The following RIC1 variants were observed in gnomAD, a reference collection of about 807,000 sequenced individuals.
RIC1 encodes RIC1 partner of RAB6A GEF complex, also known as guanine nucleotide exchange factor subunit RIC1.
A neutral mutation model predicts 169.0 loss-of-function variants in RIC1; 88 were observed. That is an observed-to-expected ratio of 0.52 (90% CI 0.44 to 0.62). The LOEUF is 0.62. Ranked by LOEUF, RIC1 falls within the 20% of genes least tolerant of loss-of-function variation. The probability of loss-of-function intolerance (pLI) is 0.00; values close to 1 mark genes in which losing one functional copy is unlikely to be tolerated. For missense variants in RIC1, 1,877 were observed against 1,725.5 expected, an observed-to-expected ratio of 1.09 and a Z score of -1.56; for synonymous variants, 790 against 601.5, an observed-to-expected ratio of 1.31 and a Z score of -4.59.
At chr9:5,708,532 A>G (rs942883328) in intron 3 of RIC1, among the ~76,000 whole-genome samples, 1 of 152,074 alleles carries the variant, frequency 6.6e-6, no homozygotes, top group African/African-American at 2.4e-5. Context: ...TTTTTGAAGG[A>G]TAATTTTTCT....
chr9:5,725,882 T>C (rs1823944287), intron 6 of RIC1, among the ~76,000 whole-genome samples: 1 of 152,238 alleles, frequency 6.6e-6, no homozygotes, highest in Non-Finnish European at 1.5e-5. Flanking sequence ...GTGAGTTTCT[T>C]AATCCTGAGT....
At chr9:5,743,087 T>C in intron 9 of RIC1, 74 bp downstream of exon 9, 2 of 1,403,204 alleles carry the variant, frequency 1.4e-6, no homozygotes, top group Non-Finnish European at 9.8e-7. Context: ...AAAAACCTTG[T>C]GTCAGAACTT....
At chr9:5,658,662 G>A (rs140006548) in intron 2 of RIC1, among the ~76,000 whole-genome samples, 1 of 152,140 alleles carries the variant, frequency 6.6e-6, no homozygotes, top group African/African-American at 2.4e-5. Context: ...AGCAGCAAAA[G>A]ACTTAGTTGG....
chr9:5,716,437 A>G (rs1330655909), intron 4 of RIC1, among the ~76,000 whole-genome samples: 5 of 151,822 alleles, frequency 3.3e-5, no homozygotes, highest in African/African-American at 1.2e-4. Context: ...ACATAGTGAA[A>G]CCCTGTCTCT....
rs991600233 is a variant in RIC1, at chr9:5,765,751, C to G, written c.3090C>G (p.Phe1030Leu). ...CTGAAAATGTTCCTGCCAGTAAATT[C>G]AGTTTACAGAAAACACTAAGTATGC... ...QSAENVPASK[F>L]SLQKTLSMPS... The change falls in exon 21 of 26, where the codon TTC becomes TTG. Residue 1030 changes from phenylalanine to leucine, a missense_variant. Coordinates refer to ENST00000414202, the MANE Select transcript of RIC1 (RefSeq NM_020829.4). The G allele has an allele frequency of 6.2e-7, 1 of 1,614,016 alleles. No homozygotes were observed. Among genetic ancestry groups the G allele is most frequent in the African/African-American group, 1.3e-5 (1 of 74,920 alleles).
At chr9:5,662,901 C>G (rs548077518) in intron 2 of RIC1, among the ~76,000 whole-genome samples, 28 of 152,040 alleles carry the variant, frequency 1.8e-4, no homozygotes, top group Non-Finnish European at 4.0e-4. Flanking sequence ...TCTTGTTTCT[C>G]TAGTTCTCTT....
At position 5,760,154 on chromosome 9, in the gene RIC1, A is replaced by G. The variant is rs537334974; in HGVS notation, c.1993-2387A>G. On this transcript the variant is annotated intron_variant, in intron 17 of 25. Transcript: ENST00000414202. ...ACAGTGAAAACTCTTCAACAGCAAG[A>G]TAGTCTCTCCATGAGAGTGAGCTCC... Among the ~76,000 whole-genome samples, 4 of 152,348 alleles carry G rather than the reference A, an allele frequency of 2.6e-5. No individual in the cohort carries two copies. The South Asian group carries it at 6.2e-4, about 24-fold the overall frequency.
chr9:5,718,311 A>T (rs1040616467), intron 4 of RIC1, among the ~76,000 whole-genome samples: 2 of 152,076 alleles, frequency 1.3e-5, no homozygotes, highest in African/African-American at 2.4e-5. Context: ...TTTCCAATTT[A>T]AAAAGAGTGT....
In RIC1 at chr9:5,775,084, G is replaced by C. The variant is rs973347956; in HGVS notation, c.*838G>C. 4 of 152,192 alleles carry C rather than the reference G, an allele frequency of 2.6e-5. No individual in the cohort carries two copies. The highest frequency in any genetic ancestry group is 9.6e-5 in the African/African-American group (4 of 41,452). 9.4% of individuals were successfully genotyped at this position (152,192 alleles called of 1,614,324 possible). A position where few individuals can be genotyped will look rare whatever the true frequency, so the allele number is the denominator to read the frequency against. On this transcript the variant is annotated 3_prime_UTR_variant, in exon 26 of 26. Coordinates refer to ENST00000414202, the MANE Select transcript of RIC1 (RefSeq NM_020829.4). ...GTCTACACATACAAAGACAGGGCTT[G>C]CTCCTCTGCAAAACTGAGGAAGACA...
chr9:5,765,113 C>G (rs548565419), intron 19 of RIC1: 9 of 218,670 alleles, frequency 4.1e-5, no homozygotes, highest in Non-Finnish European at 7.1e-5. Flanking sequence ...TCAGTTTCCT[C>G]ACTTGTAAAA....
In RIC1 at chr9:5,731,821, A is replaced by G. The variant is rs1238547682; in HGVS notation, c.721-567A>G. The stretch of plus-strand genomic sequence containing the variant: ...AATACGATAAGAAAACTGAAGCTTA[A>G]AAAAGATCAAATACTTATTTTGAGG... On this transcript the variant is annotated intron_variant, in intron 6 of 25. Transcript: ENST00000414202. Among the ~76,000 whole-genome samples, 3 of 152,188 alleles carry G rather than the reference A, an allele frequency of 2.0e-5. No homozygotes were observed. In the East Asian group the frequency reaches 5.8e-4, roughly 29 times the overall value.
chr9:5,658,596 A>T (rs1563875521), intron 2 of RIC1, among the ~76,000 whole-genome samples: 1 of 152,120 alleles, frequency 6.6e-6, no homozygotes, highest in Non-Finnish European at 1.5e-5. Flanking sequence ...ATTCAGTACA[A>T]CCCGAAGTAG....
intron 3 of RIC1, among the ~76,000 whole-genome samples, chr9:5,705,125 G>T (rs924708354): frequency 8.7e-5 from 13 of 149,268 alleles, no homozygotes; most frequent in African/African-American, 3.2e-4. Context: ...TTCTTTTCAA[G>T]ATTATTTTGG....
intron 17 of RIC1, among the ~76,000 whole-genome samples, chr9:5,760,618 A>G (rs1433745628): frequency 1.3e-5 from 2 of 152,136 alleles, no homozygotes; most frequent in Non-Finnish European, 2.9e-5. Flanking sequence ...CCATCTAGCT[A>G]CATTTTACTG....
chr9:5,682,933 C>T (rs1160290843), intron 2 of RIC1, among the ~76,000 whole-genome samples: 1 of 152,166 alleles, frequency 6.6e-6, no homozygotes, highest in Non-Finnish European at 1.5e-5. Flanking sequence ...ATCGCTGATA[C>T]CCTTTCTTCC....
At chr9:5,722,842 A>G (rs1298886104) in intron 6 of RIC1, among the ~76,000 whole-genome samples, 3 of 152,192 alleles carry the variant, frequency 2.0e-5, no homozygotes, top group Admixed American at 6.5e-5. Flanking sequence ...TTTGCTCAGA[A>G]TGATGGTTTC....
intron 1 of RIC1, among the ~76,000 whole-genome samples, chr9:5,653,351 A>C (rs1166429843): frequency 6.6e-6 from 1 of 152,188 alleles, no homozygotes; most frequent in African/African-American, 2.4e-5. Context: ...TAAGTCTTGA[A>C]GTCAGGTAAT....
chr9:5,733,971 T>C (rs1020121481), intron 7 of RIC1, among the ~76,000 whole-genome samples: 8 of 149,990 alleles, frequency 5.3e-5, no homozygotes, highest in Admixed American at 4.7e-4. Flanking sequence ...AATTTTCTTA[T>C]TGTGGATTTT....
At chr9:5,692,015 C>T (rs1453034432) in intron 3 of RIC1, among the ~76,000 whole-genome samples, 1 of 151,962 alleles carries the variant, frequency 6.6e-6, no homozygotes, top group Admixed American at 6.6e-5. Context: ...CTAAGTAGTC[C>T]TGACAATGCG....
Sources: gnomAD v4.1 joint callset for allele counts (sites outside exome capture counted in the v4.1 genomes callset) on GRCh38, gnomAD v4.1.1 for gene constraint, MANE v1.5 for transcripts, NCBI Gene and HGNC (gene_info 2026-07-23, HGNC 2026-07-21) for gene names.